MED15: variants seen among roughly 807,000 people sequenced by gnomAD.
The protein encoded by MED15 is mediator of RNA polymerase II transcription subunit 15.
MED15 carries 41 observed loss-of-function variants against 118.7 expected under a neutral mutation model. The ratio of observed to expected loss-of-function variants is 0.35; its 90% CI spans 0.27 to 0.45. The LOEUF is 0.45. Ranked by LOEUF, MED15 falls within the 20% of genes least tolerant of loss-of-function variation. The pLI is 1.00. For synonymous variants in MED15, 436 were observed against 413.9 expected, an observed-to-expected ratio of 1.05 and a Z score of -0.65; for missense variants, 740 against 1,025.5, an observed-to-expected ratio of 0.72 and a Z score of 3.80.
At chr22:20,509,187 G>T (rs957608244) in intron 1 of MED15, among the ~76,000 whole-genome samples, 9 of 152,096 alleles carry the variant, frequency 5.9e-5, no homozygotes, top group African/African-American at 1.7e-4. Flanking sequence ...TGGAATGAGG[G>T]TGAGCAGGTA....
chr22:20,570,746 C>CTTTCT (rs1569236484), intron 8 of MED15, among the ~76,000 whole-genome samples: 1 of 62,104 alleles, frequency 1.6e-5, no homozygotes, highest in Non-Finnish European at 2.7e-5. Context: ...TTCTTTCTTT[C>CTTTCT]TTTTTTTTTT....
chr22:20,581,721 G>A (rs1006259588), intron 9 of MED15, among the ~76,000 whole-genome samples: 3 of 152,152 alleles, frequency 2.0e-5, no homozygotes, highest in African/African-American at 7.2e-5. Context: ...AGGAAGGTGT[G>A]GGTGTTTTAC....
intron 5 of MED15, among the ~76,000 whole-genome samples, chr22:20,562,477 C>T (rs1007605662): frequency 1.3e-5 from 2 of 152,082 alleles, no homozygotes; most frequent in South Asian, 2.1e-4. Flanking sequence ...CTCTGCCTCC[C>T]GGGTTCAAGC....
Position 20,555,091 on chromosome 22 carries a change from G to T in MED15, c.394G>T (p.Gly132Trp). The change falls in exon 5 of 18, where the codon GGG becomes TGG. Residue 132 changes from glycine (G) to tryptophan (W), a missense_variant. By Grantham distance (184) the Gly-to-Trp change is radical (BLOSUM62 -2). Around this residue, in one of 7 missense-constraint regions of MED15, gnomAD observed 117 missense variants for 124.6 expected, o/e 0.94. Transcript: ENST00000263205. ...GTCTCTCTCAGGGCAGCCGCCTCCT[G>T]GGACCTCGGGGATGGCCCCTCACAG... The part of the protein sequence containing the change: ...PMSLSGQPPP[G>W]TSGMAPHSMA... 6.2e-7 allele frequency: 1 copy of T among 1,611,616 alleles called. No homozygotes were observed.
rs745530880 is a variant in MED15 at position 20,537,196 on chromosome 22, A to G, written c.148A>G (p.Lys50Glu). The change falls in exon 2 of 18, where the codon AAG (lysine) becomes GAG (glutamate). Residue 50 changes from lysine to glutamate, a missense_variant. By Grantham distance (56) the Lys-to-Glu change is moderately conservative (BLOSUM62 1). This residue lies in a region of MED15 where 33 missense variants were observed against 78.2 expected (regional missense o/e 0.42). Coordinates refer to ENST00000263205, the MANE Select transcript of MED15 (RefSeq NM_001003891.3). ...DMESHVFLKA[K>E]TRDEYLSLVA... ...GGAGAGCCATGTTTTCCTGAAGGCC[A>G]AGACCCGGGTAAGGCCCTAGTAAGT... 1 of 1,613,142 alleles carries G rather than the reference A, an allele frequency of 6.2e-7. No individual in the cohort carries two copies. Among genetic ancestry groups the G allele is most frequent in the Non-Finnish European group, 8.5e-7 (1 of 1,179,650 alleles).
intron 17 of MED15, 63 bp downstream of exon 17, chr22:20,585,889 AG>A: frequency 6.7e-7 from 1 of 1,493,576 alleles, no homozygotes; most frequent in Non-Finnish European, 9.2e-7. Flanking sequence ...GTGGAAAACC[AG>A]GCTTCCACTG....
intron 1 of MED15, among the ~76,000 whole-genome samples, chr22:20,529,695 G>A (rs1314594467): frequency 6.6e-6 from 1 of 152,204 alleles, no homozygotes; most frequent in African/African-American, 2.4e-5. Flanking sequence ...TGCCTCCCGG[G>A]TTCAAGCCAT....
chr22:20,571,262 C>T (rs2146620912), intron 8 of MED15, among the ~76,000 whole-genome samples: 1 of 152,378 alleles, frequency 6.6e-6, no homozygotes, highest in Middle Eastern at 3.4e-3. Context: ...CATGCTGAGC[C>T]TGTCCTTGGG....
chr22:20,537,216 G>A lies in MED15; in HGVS notation c.156+12G>A. On this transcript the variant is annotated intron_variant, in intron 2 of 17. Coordinates refer to ENST00000263205, the MANE Select transcript of MED15 (RefSeq NM_001003891.3). ...AGGCCAAGACCCGGGTAAGGCCCTA[G>A]TAAGTGGAGCCACTCTGGCAGAGAG... 6.2e-7 allele frequency: 1 copy of A among 1,608,308 alleles called. No individual in the cohort carries two copies. Among genetic ancestry groups the A allele is most frequent in the Non-Finnish European group, 8.5e-7 (1 of 1,175,970 alleles).
chr22:20,575,015 G>T, intron 8 of MED15, 98 bp from the exon 9 acceptor site: 2 of 1,550,492 alleles, frequency 1.3e-6, no homozygotes, highest in Non-Finnish European at 1.7e-6. Context: ...TTGCCCTGGT[G>T]CTCCTTCTTG....
At chr22:20,524,280 C>T (rs1329091725) in intron 1 of MED15, 1 of 152,202 alleles carries the variant, frequency 6.6e-6, no homozygotes, top group East Asian at 1.9e-4. Flanking sequence ...CACCTGGGCA[C>T]TGGGGCAGTA....
chr22:20,556,102 GT>G (rs76485660), intron 5 of MED15, among the ~76,000 whole-genome samples: 6 of 152,102 alleles, frequency 3.9e-5, no homozygotes, highest in African/African-American at 1.4e-4. Flanking sequence ...GTGCTTTAGT[GT>G]TTTTTTCCCC....
intron 1 of MED15, among the ~76,000 whole-genome samples, chr22:20,531,055 C>G (rs2054843120): frequency 6.6e-6 from 1 of 152,188 alleles, no homozygotes; most frequent in South Asian, 2.1e-4. Context: ...GGCACTGTCC[C>G]CACCCTTTGT....
intron 4 of MED15, 149 bp from the exon 5 acceptor site, chr22:20,554,787 C>T (rs2055923532): frequency 2.7e-6 from 2 of 733,230 alleles, no homozygotes; most frequent in Admixed American, 2.9e-5. Flanking sequence ...TTGGGAGTCT[C>T]CAGGAGCCTA....
At chr22:20,565,724 C>T (rs2056411397) in intron 6 of MED15, among the ~76,000 whole-genome samples, 1 of 152,244 alleles carries the variant, frequency 6.6e-6, no homozygotes, top group South Asian at 2.1e-4. Flanking sequence ...CCGTGAGGCT[C>T]ATGCCACTGA....
At chr22:20,530,122 CCTT>C (rs1247221130) in intron 1 of MED15, among the ~76,000 whole-genome samples, 1 of 152,088 alleles carries the variant, frequency 6.6e-6, no homozygotes, top group Non-Finnish European at 1.5e-5. Context: ...GTATAACTCT[CCTT>C]CTGTTGTCTT....
chr22:20,567,956 C>T (rs1194424757), intron 7 of MED15, among the ~76,000 whole-genome samples: 9 of 152,166 alleles, frequency 5.9e-5, no homozygotes, highest in South Asian at 2.1e-4. Flanking sequence ...TCTCCCACCT[C>T]AGCCTCCCAA....
chr22:20,518,755 G>A, intron 1 of MED15: 1 of 379,814 alleles, frequency 2.6e-6, no homozygotes, highest in East Asian at 7.8e-5. Flanking sequence ...GCCTGCCATG[G>A]TTTTGTCCAT....
chr22:20,568,935 T>C (rs192767841), intron 8 of MED15, among the ~76,000 whole-genome samples: 2 of 152,126 alleles, frequency 1.3e-5, no homozygotes, highest in African/African-American at 4.8e-5. Context: ...TATCAGAGAG[T>C]AGAAGGCTGC....
Sources: allele counts gnomAD v4.1 joint callset (sites outside exome capture counted in the v4.1 genomes callset), GRCh38; gene constraint gnomAD v4.1.1; regional missense constraint gnomAD v4.1.1; transcripts MANE v1.5; gene names NCBI Gene and HGNC (gene_info 2026-07-23, HGNC 2026-07-21).